Variants in CDX4 observed in about 807,000 individuals in gnomAD.
CDX4 encodes homeobox protein CDX-4.
CDX4 carries 11 observed loss-of-function variants against 14.1 expected under a neutral mutation model. The observed-to-expected ratio is 0.78, with a 90% CI of 0.49 to 1.29. The LOEUF is 1.29. CDX4 is among the 50% of genes most tolerant of loss of function. The probability of loss-of-function intolerance (pLI) is 0.00; values close to 1 mark genes in which losing one functional copy is unlikely to be tolerated. For synonymous variants in CDX4, 100 were observed against 93.5 expected (o/e 1.07, Z -0.40); for missense variants, 257 against 237.4 (o/e 1.08, Z -0.54).
At position 73,447,737 on chromosome X, in the gene CDX4, A is replaced by C; in HGVS notation, c.484A>C (p.Lys162Gln). ...CCACAGCCCCTATGCATGGATGCGCAAGACGGTGCAGGTGACGGGTGAGTA... is the reference window on the plus strand; with the variant it reads ...CCACAGCCCCTATGCATGGATGCGCCAGACGGTGCAGGTGACGGGTGAGTA... ...SRHSPYAWMR[K>Q]TVQVTGKTRT... Residue 162 changes from lysine to glutamine, a missense_variant, in exon 1 of 3, where the codon AAG becomes CAG. Coordinates refer to ENST00000373514, the MANE Select transcript of CDX4 (RefSeq NM_005193.2). The C allele has an allele frequency of 3.4e-6, 4 of 1,178,903 alleles. No individual in the cohort carries two copies. The highest frequency in any genetic ancestry group is 4.5e-6 in the Non-Finnish European group (4 of 882,421).
Position 73,447,170 on chromosome X carries a change from T to C in CDX4, c.-84T>C. ...CGGCACAACTACGTACTGATAAGTT[T>C]ATTCTCTGCTGCTTCTCAAAGTCGA... On this transcript the variant is annotated 5_prime_UTR_variant, in exon 1 of 3. Coordinates refer to ENST00000373514, the MANE Select transcript of CDX4 (RefSeq NM_005193.2). 9.4e-7 allele frequency: 1 copy of C among 1,058,481 alleles called. No individual in the cohort carries two copies. The highest frequency in any genetic ancestry group is 2.1e-5 in the South Asian group (1 of 46,842). 87.2% of individuals were successfully genotyped at this position (1,058,481 alleles called of 1,213,427 possible).
rs771862536 is a variant in CDX4 at position 73,454,522 on chromosome X, C to T, written c.792C>T (p.Thr264=). 2.5e-6 allele frequency: 3 copies of T among 1,209,788 alleles called. No homozygotes were observed. In the Admixed American group the frequency reaches 6.5e-5, roughly 26 times the overall value. The change falls in exon 3 of 3, where the codon ACC becomes ACT. Residue 264 remains threonine, a synonymous_variant. Coordinates refer to ENST00000373514, the MANE Select transcript of CDX4 (RefSeq NM_005193.2). Reference sequence around the variant, plus strand: ...GGGAACTACCTAACACTTTTTTCACCACACCATCTGCTGTTCGTGGATTTC... The same window carrying T: ...GGGAACTACCTAACACTTTTTTCACTACACCATCTGCTGTTCGTGGATTTC... ...SPGELPNTFF[T]TPSAVRGFQP...
Position 73,454,435 on chromosome X carries a change from A to T in CDX4, c.705A>T (p.Lys235Asn), listed in dbSNP as rs755359564. ...AGGAGAGAAAGATGATCAAAAAGAA[A>T]ATCTCCCAGTTTGAGAATAGTGGAG... ...RAKERKMIKK[K>N]ISQFENSGGS... is the part of the protein sequence containing the mutation. Residue 235 changes from lysine (K) to asparagine (N), a missense_variant, in exon 3 of 3, where the codon AAA (lysine) becomes AAT (asparagine). Coordinates refer to ENST00000373514, the MANE Select transcript of CDX4 (RefSeq NM_005193.2). 12 of 1,207,318 alleles carry T rather than the reference A, an allele frequency of 9.9e-6. No individual in the cohort carries two copies. In the Admixed American group the frequency reaches 2.6e-4, roughly 26 times the overall value.
chrX:73,447,513 C>A lies in CDX4; in HGVS notation c.260C>A (p.Pro87His). 8.3e-7 allele frequency: 1 copy of A among 1,211,903 alleles called. No homozygotes were observed. Among genetic ancestry groups the A allele is most frequent in the Non-Finnish European group, 1.1e-6 (1 of 895,472 alleles). ...CCGCGAGAAGACTGGAGCGTGTATC[C>A]TGGGCCGTCTAGTACAATGGGCACA... The part of the protein sequence containing the change: ...SPPREDWSVY[P>H]GPSSTMGTVP... Residue 87 changes from proline to histidine, a missense_variant, in exon 1 of 3, where the codon CCT (proline) becomes CAT (histidine). Coordinates refer to ENST00000373514, the MANE Select transcript of CDX4 (RefSeq NM_005193.2).
At chrX:73,447,890 TG>T (rs1311662453) in intron 1 of CDX4, 135 bp downstream of exon 1, 3 of 732,407 alleles carry the variant, frequency 4.1e-6, no homozygotes, top group African/African-American at 2.1e-5. Context: ...TATGGCTGGC[TG>T]GCCTATTAGG....
chrX:73,447,883 G>T, intron 1 of CDX4, 128 bp downstream of exon 1: 1 of 764,119 alleles, frequency 1.3e-6, no homozygotes, highest in South Asian at 2.7e-5. Context: ...ACCCCTATAT[G>T]GCTGGCTGGC....
chrX:73,454,779 G>A lies in CDX4; in HGVS notation c.*194G>A, dbSNP rs751915592. ...ACTATCCCCAGAAAACTCCTGTCAC[G>A]TGCTGTGCTATATGTCAGTCACTCA... On this transcript the variant is annotated 3_prime_UTR_variant, in exon 3 of 3. Transcript: ENST00000373514. 5.3e-5 allele frequency: 22 copies of A among 412,578 alleles called. No homozygotes were observed. Among genetic ancestry groups the A allele is most frequent in the Non-Finnish European group, 8.4e-5 (20 of 239,488 alleles). 34.0% of individuals were successfully genotyped at this position (412,578 alleles called of 1,213,427 possible).
At chrX:73,452,189 G>A (rs1186934923) in intron 1 of CDX4, among the ~76,000 whole-genome samples, 1 of 83,677 alleles carries the variant, frequency 1.2e-5, no homozygotes, top group Non-Finnish European at 2.2e-5. Context: ...TTTAGGGCTT[G>A]TAAATTCTGA....
chrX:73,448,678 G>A (rs1160866882), intron 1 of CDX4, among the ~76,000 whole-genome samples: 1 of 112,522 alleles, frequency 8.9e-6, no homozygotes, highest in Admixed American at 9.4e-5. Context: ...GGCGAGGGAA[G>A]TGGCCGTTCC....
At chrX:73,451,893 C>A (rs888573256) in intron 1 of CDX4, among the ~76,000 whole-genome samples, 1 of 111,732 alleles carries the variant, frequency 8.9e-6, no homozygotes, top group African/African-American at 3.2e-5. Flanking sequence ...TCTAAATATG[C>A]ATTCTGTCTT....
chrX:73,450,181 A>T (rs182309725), intron 1 of CDX4, among the ~76,000 whole-genome samples: 8 of 111,957 alleles, frequency 7.1e-5, no homozygotes, highest in African/African-American at 2.6e-4. Context: ...AAATGCATGT[A>T]TTAGTGGACA....
At chrX:73,448,616 G>T (rs1325241497) in intron 1 of CDX4, among the ~76,000 whole-genome samples, 1 of 112,454 alleles carries the variant, frequency 8.9e-6, no homozygotes, top group African/African-American at 3.2e-5. Flanking sequence ...AAGTCAAAGC[G>T]ATCGCGATCA....
At chrX:73,452,123 CTTTTTTT>C (rs34896025) in intron 1 of CDX4, among the ~76,000 whole-genome samples, 4 of 66,671 alleles carry the variant, frequency 6.0e-5, no homozygotes, top group Non-Finnish European at 1.1e-4. Flanking sequence ...CACTGGTGTC[CTTTTTTT>C]TTTTTTTTTT....
In CDX4 at chrX:73,455,049, T is replaced by C. The variant is rs1392608383; in HGVS notation, c.*464T>C. ...TTTAGCTACCTTTCCAAGTGTTTAATTCAAAAGCTAACAGAATTTTTATAA... is the reference window on the plus strand; with the variant it reads ...TTTAGCTACCTTTCCAAGTGTTTAACTCAAAAGCTAACAGAATTTTTATAA... On this transcript the variant is annotated 3_prime_UTR_variant, in exon 3 of 3. Coordinates refer to ENST00000373514, the MANE Select transcript of CDX4 (RefSeq NM_005193.2). 1 of 112,851 alleles carries C rather than the reference T, an allele frequency of 8.9e-6. No homozygotes were observed. The highest frequency in any genetic ancestry group is 2.8e-4 in the East Asian group (1 of 3,585). The allele number at this position is 112,851 out of a possible 1,213,427, so 9.3% of individuals were successfully genotyped here. A position where few individuals can be genotyped will look rare whatever the true frequency, so the allele number is the denominator to read the frequency against.
chrX:73,447,734 C>T lies in CDX4; in HGVS notation c.481C>T (p.Arg161Cys), dbSNP rs752673817. ...RSRHSPYAWM[R>C]KTVQVTGKTR... ...CCGCCACAGCCCCTATGCATGGATG[C>T]GCAAGACGGTGCAGGTGACGGGTGA... The change falls in exon 1 of 3, where the codon CGC becomes TGC. Residue 161 changes from arginine to cysteine, a missense_variant. Physicochemically the swap from Arg to Cys is radical, Grantham distance 180 (BLOSUM62 -3). Transcript: ENST00000373514. 10 of 1,179,005 alleles carry T rather than the reference C, an allele frequency of 8.5e-6. No homozygotes were observed. Among genetic ancestry groups the T allele is most frequent in the Middle Eastern group, 2.4e-4 (1 of 4,244 alleles).
rs763374803 is a variant in CDX4, at chrX:73,447,159, A to G, written c.-95A>G. On this transcript the variant is annotated 5_prime_UTR_variant, in exon 1 of 3. Coordinates refer to ENST00000373514, the MANE Select transcript of CDX4 (RefSeq NM_005193.2). ...AAAAGAGCTTGCGGCACAACTACGT[A>G]CTGATAAGTTTATTCTCTGCTGCTT... 2 of 993,725 alleles carry G rather than the reference A, an allele frequency of 2.0e-6. No individual in the cohort carries two copies. The highest frequency in any genetic ancestry group is 2.8e-6 in the Non-Finnish European group (2 of 722,548). 81.9% of individuals were successfully genotyped at this position (993,725 alleles called of 1,213,427 possible).
intron 1 of CDX4, among the ~76,000 whole-genome samples, 200 bp downstream of exon 1, chrX:73,447,955 G>A (rs1214250617): frequency 2.7e-5 from 3 of 111,955 alleles, no homozygotes; most frequent in Non-Finnish European, 5.6e-5. Context: ...TGCAGCGATT[G>A]GGACTAAACC....
chrX:73,448,785 A>T (rs1409114343), intron 1 of CDX4, among the ~76,000 whole-genome samples: 3 of 112,163 alleles, frequency 2.7e-5, no homozygotes, highest in Non-Finnish European at 5.6e-5. Flanking sequence ...CCCTGTCATT[A>T]GAGAAAATTA....
At chrX:73,453,032 T>C (rs1215825247) in intron 1 of CDX4, among the ~76,000 whole-genome samples, 1 of 111,730 alleles carries the variant, frequency 9.0e-6, no homozygotes, top group Admixed American at 9.5e-5. Context: ...AGAGGTTTAA[T>C]AGGAACAGTA....
Sources: allele counts gnomAD v4.1 joint callset (sites outside exome capture counted in the v4.1 genomes callset), GRCh38; gene constraint gnomAD v4.1.1; transcripts MANE v1.5; gene names NCBI Gene and HGNC (gene_info 2026-07-23, HGNC 2026-07-21).